KLHL32: variants seen among roughly 807,000 people sequenced by gnomAD.
KLHL32 encodes the protein kelch like family member 32.
Under a neutral mutation model 64.8 loss-of-function variants are expected in KLHL32, and 35 were observed. The ratio of observed to expected loss-of-function variants is 0.54; its 90% confidence interval spans 0.41 to 0.72. The LOEUF (loss-of-function observed/expected upper bound fraction) is 0.72, where lower values mean the gene tolerates loss of function less well. Among genes scored for constraint, KLHL32 ranks in the 30% least tolerant of loss-of-function variants. The pLI is 0.00. For missense variants in KLHL32, 589 were observed against 768.5 expected (o/e 0.77, Z 2.76); for synonymous variants, 259 against 281.0 (o/e 0.92, Z 0.78).
intron 1 of KLHL32, among the ~76,000 whole-genome samples, chr6:96,928,144 T>C (rs1450821986): frequency 1.3e-5 from 2 of 152,190 alleles, no homozygotes; most frequent in Non-Finnish European, 2.9e-5. Flanking sequence ...TAAGATTCCA[T>C]AGAAGCTCAG....
At chr6:97,119,491 T>C (rs1798145255) in intron 7 of KLHL32, among the ~76,000 whole-genome samples, 1 of 152,168 alleles carries the variant, frequency 6.6e-6, no homozygotes, top group South Asian at 2.1e-4. Flanking sequence ...TCCAAAATAT[T>C]TCCACTGCAT....
chr6:96,922,249 A>C (rs1192875918), upstream of KLHL32, among the ~76,000 whole-genome samples: 4 of 152,180 alleles, frequency 2.6e-5, no homozygotes, highest in Non-Finnish European at 5.9e-5. Context: ...TGCAGACTAC[A>C]ACTGGGAGTA....
intron 3 of KLHL32, among the ~76,000 whole-genome samples, chr6:96,992,017 ACC>A (rs1423602726): frequency 6.6e-6 from 1 of 152,070 alleles, no homozygotes; most frequent in Non-Finnish European, 1.5e-5. Context: ...CCTGCCTGCG[ACC>A]CGAGAGCTCA....
intron 4 of KLHL32, among the ~76,000 whole-genome samples, chr6:97,041,880 T>C (rs902855191): frequency 3.3e-5 from 5 of 152,054 alleles, no homozygotes; most frequent in Non-Finnish European, 5.9e-5. Flanking sequence ...AGGGAAAGAG[T>C]TTGCAAGATA....
intron 3 of KLHL32, among the ~76,000 whole-genome samples, chr6:96,982,834 A>G (rs1412023904): frequency 6.6e-6 from 1 of 152,252 alleles, no homozygotes; most frequent in Non-Finnish European, 1.5e-5. Context: ...AAACAGGGAC[A>G]ATTTGACTTC....
intron 3 of KLHL32, among the ~76,000 whole-genome samples, chr6:97,020,388 T>C (rs1468443695): frequency 6.6e-6 from 1 of 151,126 alleles, no homozygotes; most frequent in East Asian, 1.9e-4. Context: ...ATAGAAACTC[T>C]ATGCCAATAA....
At chr6:97,085,024 A>G (rs1793177842) in intron 5 of KLHL32, 102 bp from the exon 6 acceptor site, 1 of 902,546 alleles carries the variant, frequency 1.1e-6, no homozygotes, top group African/African-American at 1.7e-5. Context: ...TTCTCCCACC[A>G]CTGTGATGAA....
At chr6:97,015,610 G>A (rs1781055272) in intron 3 of KLHL32, among the ~76,000 whole-genome samples, 1 of 152,182 alleles carries the variant, frequency 6.6e-6, no homozygotes, top group South Asian at 2.1e-4. Context: ...GGGAAGGAGA[G>A]CATAAAAGTT....
chr6:96,909,038 G>C, the KLHL32 span, among the ~76,000 whole-genome samples: 1 of 152,296 alleles, frequency 6.6e-6, no homozygotes, highest in African/African-American at 2.4e-5. Flanking sequence ...TACAAGGGCA[G>C]CTCCAGGGAT....
chr6:96,951,875 G>A (rs1187128786), intron 1 of KLHL32, among the ~76,000 whole-genome samples: 2 of 152,166 alleles, frequency 1.3e-5, no homozygotes, highest in East Asian at 3.8e-4. Context: ...ATAGCAGCAG[G>A]TCCTGGAGTA....
chr6:96,973,741 T>TTTTTTC (rs3032640), intron 2 of KLHL32, among the ~76,000 whole-genome samples: 1 of 149,450 alleles, frequency 6.7e-6, no homozygotes, highest in South Asian at 2.1e-4. Flanking sequence ...TTTTTTTTTT[T>TTTTTTC]AGACAGAGTC....
intron 1 of KLHL32, among the ~76,000 whole-genome samples, chr6:96,936,995 A>G (rs144182652): frequency 2.7e-5 from 4 of 150,816 alleles, no homozygotes; most frequent in Admixed American, 2.6e-4. Context: ...CACCACCCCA[A>G]CCCCTTCACT....
intron 3 of KLHL32, among the ~76,000 whole-genome samples, chr6:96,981,205 A>C (rs973437108): frequency 6.6e-6 from 1 of 152,170 alleles, no homozygotes; most frequent in Non-Finnish European, 1.5e-5. Flanking sequence ...AAACCATATC[A>C]GTAGGCTTCT....
intron 1 of KLHL32, among the ~76,000 whole-genome samples, chr6:96,956,089 A>G (rs1338573019): frequency 2.0e-5 from 3 of 152,212 alleles, no homozygotes; most frequent in Non-Finnish European, 2.9e-5. Context: ...GCAGACAAGC[A>G]AAGAGAGCTT....
chr6:97,132,721 A>G lies in KLHL32; in HGVS notation c.1675A>G (p.Thr559Ala), dbSNP rs765339558. 6.2e-7 allele frequency: 1 copy of G among 1,613,038 alleles called. No individual in the cohort carries two copies. The highest frequency in any genetic ancestry group is 1.1e-5 in the South Asian group (1 of 90,912). ...IYLVGGYSIW[T>A]NEPLACIQVL... ...TTTAGTTGGTGGATATTCAATTTGG[A>G]CAAATGAGCCTCTGGCTTGTATCCA... The change falls in exon 10 of 11, where the codon ACA (threonine) becomes GCA (alanine). Residue 559 changes from threonine (T) to alanine (A), a missense_variant. Thr to Ala is a moderately conservative substitution (Grantham distance 58, BLOSUM62 0). Coordinates refer to ENST00000369261, the MANE Select transcript of KLHL32 (RefSeq NM_052904.4).
chr6:97,112,117 G>A (rs1054081332), intron 6 of KLHL32, among the ~76,000 whole-genome samples: 21 of 152,062 alleles, frequency 1.4e-4, no homozygotes, highest in African/African-American at 4.3e-4. Flanking sequence ...TTTGGGCTGC[G>A]GTGCCAGGCT....
At position 96,955,050 on chromosome 6, in the gene KLHL32, C is replaced by T. The variant is rs6568675; in HGVS notation, c.-65-11946C>T. On this transcript the variant is annotated intron_variant, in intron 1 of 10. Coordinates refer to ENST00000369261, the MANE Select transcript of KLHL32 (RefSeq NM_052904.4). ...AGATGACCATCACATTGTGGAGAAA[C>T]GAGAGAGGAAGCAAGCTCTGTTTTG... 2.1e-3 allele frequency among the ~76,000 whole-genome samples: 316 copies of T among 152,282 alleles called. 1 individual carries two copies. The highest frequency in any genetic ancestry group is 7.2e-3 in the African/African-American group (298 of 41,544).
chr6:96,976,771 G>A (rs1426144133), intron 3 of KLHL32, among the ~76,000 whole-genome samples: 1 of 151,988 alleles, frequency 6.6e-6, no homozygotes, highest in Admixed American at 6.6e-5. Context: ...GCTAATTTTT[G>A]TAGTTTTAGT....
At chr6:97,118,842 C>A (rs568908171) in intron 7 of KLHL32, among the ~76,000 whole-genome samples, 3 of 152,184 alleles carry the variant, frequency 2.0e-5, no homozygotes, top group Admixed American at 1.3e-4. Context: ...GTAGAGGGAA[C>A]AGACTTTTAA....
Sources: allele counts gnomAD v4.1 joint callset (sites outside exome capture counted in the v4.1 genomes callset), GRCh38; gene constraint gnomAD v4.1.1; transcripts MANE v1.5; gene names NCBI Gene and HGNC (gene_info 2026-07-23, HGNC 2026-07-21).